TMBIM6: variants seen among roughly 807,000 people sequenced by gnomAD.
TMBIM6 encodes transmembrane BAX inhibitor motif containing 6.
A neutral mutation model predicts 31.4 loss-of-function variants in TMBIM6; 13 were observed. The observed-to-expected ratio is 0.41, with a 90% CI of 0.27 to 0.66. The LOEUF is 0.66. TMBIM6 is among the 30% of genes least tolerant of loss of function. The pLI, the probability that TMBIM6 is intolerant of heterozygous loss-of-function variation, is 0.28. For missense variants in TMBIM6, 275 were observed against 289.5 expected (o/e 0.95, Z 0.36); for synonymous variants, 85 against 101.7 (o/e 0.84, Z 0.99).
intron 9 of TMBIM6, 179 bp downstream of exon 9, chr12:49,761,958 G>GA (rs1475661238): frequency 2.2e-4 from 126 of 575,370 alleles, no homozygotes; most frequent in South Asian, 3.0e-4. Context: ...AGCAGCAAGT[G>GA]AAAAAAAAAT....
intron 7 of TMBIM6, 60 bp from the exon 8 acceptor site, chr12:49,759,161 C>A: frequency 7.0e-7 from 1 of 1,419,062 alleles, no homozygotes; most frequent in Non-Finnish European, 9.9e-7. Flanking sequence ...GAAAGTATGG[C>A]TGGTTTTTTT....
At chr12:49,757,305 G>A (rs1039356139) in intron 4 of TMBIM6, among the ~76,000 whole-genome samples, 1 of 152,200 alleles carries the variant, frequency 6.6e-6, no homozygotes, top group South Asian at 2.1e-4. Flanking sequence ...AGGTTCAAGA[G>A]CTTAGGTAGC....
intron 1 of TMBIM6, among the ~76,000 whole-genome samples, chr12:49,744,884 T>C (rs12313354): frequency 0.12 from 17,975 of 152,130 alleles, 1,608 homozygotes; most frequent in African/African-American, 0.26. Context: ...TTTGGGGCCT[T>C]CTTAGGATTC....
rs1233498776 is a variant in TMBIM6 at position 49,759,270 on chromosome 12, A to T, written c.563A>T (p.Asp188Val). The T allele has an allele frequency of 6.2e-7, 1 of 1,613,960 alleles. No homozygotes were observed. Among genetic ancestry groups the T allele is most frequent in the South Asian group, 1.1e-5 (1 of 91,078 alleles). Reference sequence around the variant, plus strand: ...GTCATGTGTGGCTTCGTCCTTTTTGATACTCAACTCATTATTGAAAAGGCC... The same window carrying T: ...GTCATGTGTGGCTTCGTCCTTTTTGTTACTCAACTCATTATTGAAAAGGCC... ...LVVMCGFVLF[D>V]TQLIIEKAEH... Residue 188 changes from aspartate to valine, a missense_variant, in exon 8 of 10, where the codon GAT becomes GTT. Transcript: ENST00000267115.
intron 9 of TMBIM6, 179 bp downstream of exon 9, chr12:49,761,958 GA>G (rs1475661238): frequency 1.3e-4 from 77 of 575,386 alleles, no homozygotes; most frequent in South Asian, 3.0e-4. Flanking sequence ...AGCAGCAAGT[GA>G]AAAAAAAATT....
At position 49,755,738 on chromosome 12, in the gene TMBIM6, G is replaced by A. The variant is rs758671321; in HGVS notation, c.269G>A (p.Gly90Glu). 6.2e-7 allele frequency: 1 copy of A among 1,613,726 alleles called. No homozygotes were observed. The highest frequency in any genetic ancestry group is 1.3e-5 in the African/African-American group (1 of 74,860). Residue 90 changes from glycine (G) to glutamate (E), a missense_variant, in exon 4 of 10, where the codon GGA becomes GAA. By Grantham distance (98) the Gly-to-Glu change is moderately conservative. Transcript: ENST00000267115. ...CAGAAAAGACTGGGACTTCTTGCTG[G>A]ATTTGCATTCCTTACAGGTACGTTA... is the stretch of plus-strand genomic sequence containing the variant. ...TEQKRLGLLA[G>E]FAFLTGVGLG...
At chr12:49,746,238 A>G (rs1473236053) in intron 1 of TMBIM6, among the ~76,000 whole-genome samples, 1 of 151,484 alleles carries the variant, frequency 6.6e-6, no homozygotes, top group Non-Finnish European at 1.5e-5. Flanking sequence ...GCCCACCACC[A>G]CGCCTGGCTA....
chr12:49,754,942 T>C (rs1313153342), intron 3 of TMBIM6, among the ~76,000 whole-genome samples: 2 of 152,108 alleles, frequency 1.3e-5, no homozygotes, highest in East Asian at 1.9e-4. Context: ...TTTTGGTGTT[T>C]GGGGGTTTTG....
intron 8 of TMBIM6, among the ~76,000 whole-genome samples, chr12:49,759,638 C>T (rs1298520508): frequency 6.6e-6 from 1 of 151,906 alleles, no homozygotes; most frequent in African/African-American, 2.4e-5. Flanking sequence ...AATCCCATCT[C>T]TACTAAAAAT....
chr12:49,751,440 T>C (rs1945492408), intron 1 of TMBIM6, among the ~76,000 whole-genome samples: 1 of 152,168 alleles, frequency 6.6e-6, no homozygotes, highest in Non-Finnish European at 1.5e-5. Context: ...TTAGGAAATC[T>C]GGGTGAAGGT....
rs137944125 is a variant in TMBIM6, at chr12:49,755,628, C to G, written c.166-7C>G. On this transcript the variant is annotated splice_polypyrimidine_tract_variant and splice_region_variant and intron_variant, in intron 3 of 9. Transcript: ENST00000267115. Reference sequence around the variant, plus strand: ...GTTTAATGATTGATTGATTCTGACTCTAACAGGCTGGCCTGCTGTCTGCCT... The same window carrying G: ...GTTTAATGATTGATTGATTCTGACTGTAACAGGCTGGCCTGCTGTCTGCCT... The G allele has an allele frequency of 4.3e-6, 7 of 1,612,882 alleles. No individual in the cohort carries two copies. In the South Asian group the frequency reaches 6.6e-5, roughly 15 times the overall value.
At chr12:49,747,038 A>C (rs931614684) in intron 1 of TMBIM6, among the ~76,000 whole-genome samples, 1 of 151,912 alleles carries the variant, frequency 6.6e-6, no homozygotes, top group African/African-American at 2.4e-5. Flanking sequence ...GGGTGTCACC[A>C]TGTTGGCCAG....
rs1945761923 is a variant in TMBIM6 at position 49,763,637 on chromosome 12, G to C, written c.*741G>C. On this transcript the variant is annotated 3_prime_UTR_variant, in exon 10 of 10. Coordinates refer to ENST00000267115, the MANE Select transcript of TMBIM6 (RefSeq NM_003217.3). ...TGAAAAGGCTGATTATGTGTATCAAGGTACAGCATCGTAGGGTTCCCCTAA... is the reference window on the plus strand; with the variant it reads ...TGAAAAGGCTGATTATGTGTATCAACGTACAGCATCGTAGGGTTCCCCTAA... 1 of 152,252 alleles carries C rather than the reference G, an allele frequency of 6.6e-6. No individual in the cohort carries two copies. The highest frequency in any genetic ancestry group is 6.5e-5 in the Admixed American group (1 of 15,288). The allele number at this position is 152,252 out of a possible 1,614,324, so 9.4% of individuals were successfully genotyped here. A position where few individuals can be genotyped will look rare whatever the true frequency, so the allele number is the denominator to read the frequency against.
chr12:49,759,335 C>G lies in TMBIM6; in HGVS notation c.614+14C>G, dbSNP rs1357092698. On this transcript the variant is annotated intron_variant, in intron 8 of 9. Transcript: ENST00000267115. Reference sequence around the variant, plus strand: ...AGATTATATCTGGTGAGTGTGGGAACTAGTCTTTAACAAGCATGAAGGTTG... The same window carrying G: ...AGATTATATCTGGTGAGTGTGGGAAGTAGTCTTTAACAAGCATGAAGGTTG... The G allele has an allele frequency of 2.5e-6, 4 of 1,602,328 alleles. No individual in the cohort carries two copies. Among genetic ancestry groups the G allele is most frequent in the East Asian group, 2.2e-5 (1 of 44,822 alleles).
At chr12:49,754,842 T>G (rs1451247128) in intron 3 of TMBIM6, among the ~76,000 whole-genome samples, 1 of 152,266 alleles carries the variant, frequency 6.6e-6, no homozygotes, top group African/African-American at 2.4e-5. Flanking sequence ...AGGAAGTATT[T>G]TAGAAACTTC....
chr12:49,756,672 G>T (rs1347756197), intron 4 of TMBIM6, among the ~76,000 whole-genome samples: 2 of 149,424 alleles, frequency 1.3e-5, no homozygotes, highest in African/African-American at 4.9e-5. Flanking sequence ...TGATCTGCTC[G>T]CCTCAGCCTC....
At chr12:49,751,247 G>A (rs1945488803) in intron 1 of TMBIM6, among the ~76,000 whole-genome samples, 1 of 152,116 alleles carries the variant, frequency 6.6e-6, no homozygotes, top group Non-Finnish European at 1.5e-5. Flanking sequence ...TCTGAATAAG[G>A]TCTGCAGATT....
rs1254921103 is a variant in TMBIM6, at chr12:49,761,717, C to A, written c.628C>A (p.Leu210Ile). ...CTTGCCTTTCAGGCACTGCATTGATCTCTTCTTAGATTTCATTACTGTCTT... is the reference window on the plus strand; with the variant it reads ...CTTGCCTTTCAGGCACTGCATTGATATCTTCTTAGATTTCATTACTGTCTT... ...DQDYIWHCID[L>I]FLDFITVFRK... is the part of the protein sequence containing the mutation. Residue 210 changes from leucine to isoleucine, a missense_variant, in exon 9 of 10, where the codon CTC becomes ATC. Coordinates refer to ENST00000267115, the MANE Select transcript of TMBIM6 (RefSeq NM_003217.3). 6.2e-7 allele frequency: 1 copy of A among 1,614,090 alleles called. No individual in the cohort carries two copies. Among genetic ancestry groups the A allele is most frequent in the Non-Finnish European group, 8.5e-7 (1 of 1,180,028 alleles).
chr12:49,742,241 G>C (rs1372734691), intron 1 of TMBIM6: 3 of 1,612,100 alleles, frequency 1.9e-6, no homozygotes, highest in Non-Finnish European at 1.7e-6. Context: ...CAGGCCCACG[G>C]GGCGGCCCCG....
Sources: gnomAD v4.1 joint callset for allele counts (sites outside exome capture counted in the v4.1 genomes callset) on GRCh38, gnomAD v4.1.1 for gene constraint, MANE v1.5 for transcripts, NCBI Gene and HGNC (gene_info 2026-07-23, HGNC 2026-07-21) for gene names.